The following ASAP1 variants were observed in gnomAD, a reference collection of about 807,000 sequenced individuals.
ASAP1 encodes arf-GAP with SH3 domain, ANK repeat and PH domain-containing protein 1.
In ASAP1, 43 loss-of-function variants were observed where a neutral mutation model predicts 145.2. The observed-to-expected ratio is 0.30, with a 90% CI of 0.23 to 0.38. The LOEUF (loss-of-function observed/expected upper bound fraction) is 0.38. ASAP1 is among the 10% of genes least tolerant of loss of function. The pLI is 1.00. For synonymous variants in ASAP1, 546 were observed against 515.5 expected (o/e 1.06, Z -0.80); for missense variants, 1,018 against 1,355.3 (o/e 0.75, Z 3.91).
chr8:130,189,767 C>T (rs1815009094), intron 5 of ASAP1, among the ~76,000 whole-genome samples: 1 of 152,188 alleles, frequency 6.6e-6, no homozygotes, highest in South Asian at 2.1e-4. Context: ...ATTTATATTA[C>T]CACCAACAGC....
At chr8:130,229,787 T>C (rs1274635783) in intron 4 of ASAP1, among the ~76,000 whole-genome samples, 2 of 152,074 alleles carry the variant, frequency 1.3e-5, no homozygotes, top group Admixed American at 6.5e-5. Context: ...CACCTGTAAA[T>C]CCCAACGCTT....
intron 12 of ASAP1, among the ~76,000 whole-genome samples, chr8:130,158,267 T>C (rs1234886914): frequency 2.6e-5 from 4 of 151,544 alleles, no homozygotes; most frequent in Non-Finnish European, 5.9e-5. Context: ...CCCAATACTT[T>C]GGGGGACCAA....
At chr8:130,154,621 T>C (rs1182680957) in intron 12 of ASAP1, among the ~76,000 whole-genome samples, 1 of 152,212 alleles carries the variant, frequency 6.6e-6, no homozygotes, top group East Asian at 1.9e-4. Context: ...TGTTTTTCTT[T>C]TCCTTCTTAA....
At chr8:130,072,824 T>TGTGTGTGTGTGTGTGC in intron 27 of ASAP1, among the ~76,000 whole-genome samples, 2 of 32,282 alleles carry the variant, frequency 6.2e-5, no homozygotes, top group African/African-American at 1.2e-4. Flanking sequence ...TGTGTGTGTG[T>TGTGTGTGTGTGTGTGC]GCGCGCGGGG....
intron 15 of ASAP1, among the ~76,000 whole-genome samples, 177 bp downstream of exon 15, chr8:130,134,119 A>G (rs1000722891): frequency 6.6e-6 from 1 of 152,166 alleles, no homozygotes; most frequent in Non-Finnish European, 1.5e-5. Flanking sequence ...TTGAGTAGAC[A>G]AGAGGGAGAA....
chr8:130,239,119 A>G (rs1447538086), intron 3 of ASAP1, among the ~76,000 whole-genome samples: 2 of 152,140 alleles, frequency 1.3e-5, no homozygotes. Context: ...CCTATACAAA[A>G]TGCTCCTCCG....
At chr8:130,435,231 T>A (rs975372847) in intron 1 of ASAP1, among the ~76,000 whole-genome samples, 1 of 152,232 alleles carries the variant, frequency 6.6e-6, no homozygotes, top group Non-Finnish European at 1.5e-5. Context: ...CTAGTCAGTA[T>A]CCATTCCAAA....
At chr8:130,377,672 G>A (rs1827569378) in intron 2 of ASAP1, among the ~76,000 whole-genome samples, 1 of 152,180 alleles carries the variant, frequency 6.6e-6, no homozygotes, top group Admixed American at 6.5e-5. Flanking sequence ...TCCACCCTCT[G>A]GCTTCTACCT....
chr8:130,140,383 T>C lies in ASAP1; in HGVS notation c.1081-3345A>G, dbSNP rs1017924927. Among the ~76,000 whole-genome samples, 5 of 151,818 alleles carry C rather than the reference T, an allele frequency of 3.3e-5. 1 individual carries two copies. The South Asian group carries it at 1.0e-3, about 32-fold the overall frequency. ...TTCTTTTTTTTTTAAAAAAAAACTT[T>C]TAGGTTTGGGGGTACATGTGAATGT... is the stretch of plus-strand genomic sequence containing the variant. On this transcript the variant is annotated intron_variant, in intron 13 of 29. Transcript: ENST00000518721.
At chr8:130,328,853 C>A (rs1479703338) in intron 3 of ASAP1, among the ~76,000 whole-genome samples, 1 of 152,016 alleles carries the variant, frequency 6.6e-6, no homozygotes, top group Admixed American at 6.6e-5. Flanking sequence ...TGGTCTCAAA[C>A]TTCTGGCCTC....
chr8:130,214,372 C>T (rs1816762147), intron 5 of ASAP1, among the ~76,000 whole-genome samples, 184 bp downstream of exon 5: 1 of 152,086 alleles, frequency 6.6e-6, no homozygotes, highest in African/African-American at 2.4e-5. Flanking sequence ...TAAGCAAATC[C>T]TAGGCGACTA....
At chr8:130,077,814 C>CCT (rs1423227610) in intron 26 of ASAP1, among the ~76,000 whole-genome samples, 1 of 152,216 alleles carries the variant, frequency 6.6e-6, no homozygotes, top group East Asian at 1.9e-4. Context: ...CACTTGAAAT[C>CCT]CTCCTGTCTC....
intron 3 of ASAP1, among the ~76,000 whole-genome samples, chr8:130,340,340 C>G (rs1417007): frequency 0.82 from 124,697 of 152,108 alleles, 51,796 homozygotes; most frequent in African/African-American, 0.95. Flanking sequence ...GCCTACAAAA[C>G]AGTCAAACAA....
In ASAP1 at chr8:130,116,869, C is replaced by T. The variant is rs2097557073; in HGVS notation, c.1996+11G>A. 2 of 1,607,524 alleles carry T rather than the reference C, an allele frequency of 1.2e-6. No homozygotes were observed. The highest frequency in any genetic ancestry group is 2.2e-5 in the East Asian group (1 of 44,846). ...TTACTACAGTCATGAAGACACTAGA[C>T]ACACTCTTACCTATATCCACAGTGG... is the stretch of plus-strand genomic sequence containing the variant. On this transcript the variant is annotated intron_variant, in intron 21 of 29. Transcript: ENST00000518721.
In ASAP1 at chr8:130,358,645, A is replaced by G. The variant is rs924549720; in HGVS notation, c.60-502T>C. The stretch of plus-strand genomic sequence containing the variant: ...GGCGGGCGGGCGGCGCTCGCGCTGC[A>G]GTCACGGGGCCAAACAAGGAAGTGC... On this transcript the variant is annotated intron_variant, in intron 2 of 29. Coordinates refer to ENST00000518721, the MANE Select transcript of ASAP1 (RefSeq NM_018482.4). This position sits in a 1 kb window ranked among gnomAD's most constrained non-coding sequence, Gnocchi z 4.1. Among the ~76,000 whole-genome samples the G allele has an allele frequency of 7.5e-5, 11 of 146,718 alleles. No homozygotes were observed. The highest frequency in any genetic ancestry group is 2.5e-4 in the African/African-American group (10 of 40,766).
intron 4 of ASAP1, among the ~76,000 whole-genome samples, chr8:130,215,142 C>T (rs566344266): frequency 1.8e-4 from 28 of 152,120 alleles, no homozygotes; most frequent in South Asian, 1.2e-3. Flanking sequence ...CCTTGTGATC[C>T]GCCCACCTCG....
At chr8:130,105,305 A>AT (rs1428564049) in intron 24 of ASAP1, among the ~76,000 whole-genome samples, 1 of 152,252 alleles carries the variant, frequency 6.6e-6, no homozygotes, top group Non-Finnish European at 1.5e-5. Context: ...TCTAGAGGTG[A>AT]TTTAAAGTAC....
chr8:130,054,087 A>G lies in ASAP1; in HGVS notation c.*644T>C, dbSNP rs574313082. 6.5e-6 allele frequency: 1 copy of G among 152,950 alleles called. No individual in the cohort carries two copies. Among genetic ancestry groups the G allele is most frequent in the African/African-American group, 2.4e-5 (1 of 41,602 alleles). The allele number at this position is 152,950 out of a possible 1,614,324, so 9.5% of individuals were successfully genotyped here. A position where few individuals can be genotyped will look rare whatever the true frequency, so the allele number is the denominator to read the frequency against. ...CAGGGGCGGGCACTCATAAGACAGT[A>G]TAAATCCACTTGTCTAAACTTGCAT... On this transcript the variant is annotated 3_prime_UTR_variant, in exon 30 of 30. Coordinates refer to ENST00000518721, the MANE Select transcript of ASAP1 (RefSeq NM_018482.4).
intron 3 of ASAP1, among the ~76,000 whole-genome samples, chr8:130,328,748 G>A (rs371216224): frequency 3.3e-5 from 5 of 151,796 alleles, no homozygotes; most frequent in South Asian, 4.2e-4. Flanking sequence ...ACAGCCTCCC[G>A]AGTAGCTAGG....
Sources: allele counts gnomAD v4.1 joint callset (sites outside exome capture counted in the v4.1 genomes callset), GRCh38; gene constraint gnomAD v4.1.1; non-coding constraint Gnocchi (gnomAD v3.1); transcripts MANE v1.5; gene names NCBI Gene and HGNC (gene_info 2026-07-23, HGNC 2026-07-21).